Variants in ABCA9 observed in about 807,000 individuals in gnomAD.
ABCA9 encodes ATP binding cassette subfamily A member 9.
Under a neutral mutation model 205.3 loss-of-function variants are expected in ABCA9, and 183 were observed. That is an observed-to-expected ratio of 0.89 (90% CI 0.79 to 1.01). The LOEUF (loss-of-function observed/expected upper bound fraction) is 1.01. Among genes scored for constraint, ABCA9 ranks in the 50% least tolerant of loss-of-function variants. The probability of loss-of-function intolerance (pLI) is 0.00; values close to 1 mark genes in which losing one functional copy is unlikely to be tolerated. For missense variants in ABCA9, 1,805 were observed against 1,912.4 expected (o/e 0.94, Z 1.05); for synonymous variants, 651 against 683.3 (o/e 0.95, Z 0.74).
chr17:69,020,167 C>T (rs1057255488), intron 19 of ABCA9, among the ~76,000 whole-genome samples: 2 of 152,024 alleles, frequency 1.3e-5, no homozygotes, highest in African/African-American at 4.8e-5. Context: ...AAAACAAAAT[C>T]TGTGTGAAAT....
chr17:68,992,759 G>T, intron 27 of ABCA9: 1 of 320,034 alleles, frequency 3.1e-6, no homozygotes. Context: ...GTTGTGGTGA[G>T]CTGAGATAGC....
intron 3 of ABCA9, among the ~76,000 whole-genome samples, chr17:69,046,152 G>T (rs1213862135): frequency 6.6e-6 from 1 of 152,186 alleles, no homozygotes; most frequent in East Asian, 1.9e-4. Flanking sequence ...ATTTGGAAGT[G>T]ATGTCAATGT....
chr17:69,066,968 T>C, the ABCA9 span, among the ~76,000 whole-genome samples: 1 of 152,142 alleles, frequency 6.6e-6, no homozygotes, highest in African/African-American at 2.4e-5. Flanking sequence ...ATTAAAATCA[T>C]TGATGGATCA....
intron 20 of ABCA9, 54 bp from the exon 21 acceptor site, chr17:69,017,843 G>T (rs1435174515): frequency 1.9e-6 from 3 of 1,570,436 alleles, no homozygotes; most frequent in Non-Finnish European, 2.6e-6. Context: ...CAATAGTCAA[G>T]TAATATTAAA....
chr17:68,989,173 G>T, intron 30 of ABCA9, 55 bp from the exon 31 acceptor site: 1 of 1,124,286 alleles, frequency 8.9e-7, no homozygotes, highest in Non-Finnish European at 1.3e-6. Context: ...AAAAATAAAA[G>T]CAAATACCAT....
chr17:69,046,300 C>T (rs150479027), intron 3 of ABCA9, among the ~76,000 whole-genome samples: 1 of 152,278 alleles, frequency 6.6e-6, no homozygotes, highest in East Asian at 1.9e-4. Context: ...CATATAAGCG[C>T]ACCCTCCTGG....
the ABCA9 span, among the ~76,000 whole-genome samples, chr17:69,066,211 A>G: frequency 1.3e-5 from 2 of 152,158 alleles, no homozygotes; most frequent in African/African-American, 4.8e-5. Context: ...TTTTAGGCTA[A>G]ATATACTCAT....
chr17:69,028,657 T>A lies in ABCA9; in HGVS notation c.1505-12A>T, dbSNP rs2071069606. On this transcript the variant is annotated splice_polypyrimidine_tract_variant and intron_variant, in intron 11 of 38. Coordinates refer to ENST00000340001, the MANE Select transcript of ABCA9 (RefSeq NM_080283.4). ...GTCAAACACCACACCTGGCATGATT[T>A]TAAAAAAAATTACACTCAGAGCCTA... is the stretch of plus-strand genomic sequence containing the variant. 4.8e-6 allele frequency: 7 copies of A among 1,472,538 alleles called. No individual in the cohort carries two copies. Among genetic ancestry groups the A allele is most frequent in the South Asian group, 2.6e-5 (2 of 75,572 alleles). The allele number at this position is 1,472,538 out of a possible 1,614,324, so 91.2% of individuals were successfully genotyped here. A position where few individuals can be genotyped will look rare whatever the true frequency, so the allele number is the denominator to read the frequency against.
At chr17:69,018,319 CAG>C in intron 20 of ABCA9, 92 bp downstream of exon 20, 3 of 1,154,256 alleles carry the variant, frequency 2.6e-6, no homozygotes, top group Non-Finnish European at 3.6e-6. Flanking sequence ...CTAAAACATA[CAG>C]AGTTTATTTT....
At chr17:69,020,726 T>C (rs2070782887) in intron 18 of ABCA9, 140 bp from the exon 19 acceptor site, 1 of 628,146 alleles carries the variant, frequency 1.6e-6, no homozygotes, top group Non-Finnish European at 2.7e-6. Flanking sequence ...ATGACATTAT[T>C]AGAGCAACTA....
chr17:69,008,486 T>A (rs1272382624), intron 23 of ABCA9, among the ~76,000 whole-genome samples: 2 of 152,246 alleles, frequency 1.3e-5, no homozygotes, highest in Non-Finnish European at 2.9e-5. Context: ...CACAGAATGA[T>A]TGGGCATGGC....
chr17:69,046,516 T>C (rs2071707970), intron 3 of ABCA9, among the ~76,000 whole-genome samples: 1 of 152,310 alleles, frequency 6.6e-6, no homozygotes, highest in Middle Eastern at 3.4e-3. Flanking sequence ...ATTAATTCAA[T>C]GGGAGTTTCA....
At chr17:69,067,606 AAAGAAAGAAAGAAAG>A in the ABCA9 span, among the ~76,000 whole-genome samples, 14 of 44,144 alleles carry the variant, frequency 3.2e-4, no homozygotes, top group Non-Finnish European at 3.4e-4. Context: ...AAGAAAAAAG[AAAGAAAGAAAGAAAG>A]AAGAAAGAAA....
Position 68,991,020 on chromosome 17 carries a change from G to T in ABCA9, c.3717-63C>A, listed in dbSNP as rs2069433430. 3 of 1,560,396 alleles carry T rather than the reference G, an allele frequency of 1.9e-6. No homozygotes were observed. The East Asian group carries it at 6.8e-5, about 35-fold the overall frequency. The stretch of plus-strand genomic sequence containing the variant: ...TTAAAAATCTTGTATCAAAATTAAT[G>T]AATTTTCTCTATACTTCCAATTTTT... On this transcript the variant is annotated intron_variant, in intron 28 of 38. Coordinates refer to ENST00000340001, the MANE Select transcript of ABCA9 (RefSeq NM_080283.4).
At chr17:69,022,895 T>A (rs2144307411) in intron 17 of ABCA9, among the ~76,000 whole-genome samples, 1 of 152,332 alleles carries the variant, frequency 6.6e-6, no homozygotes, top group East Asian at 1.9e-4. Context: ...AAATTTCTAA[T>A]GAGTCCTTAA....
the ABCA9 span, among the ~76,000 whole-genome samples, chr17:69,069,669 G>A: frequency 2.8e-4 from 43 of 151,418 alleles, no homozygotes; most frequent in East Asian, 1.5e-3. Flanking sequence ...CTACGACAGC[G>A]TTGAAATAGT....
chr17:69,061,138 T>C (rs1402541646), upstream of ABCA9: 14 of 985,260 alleles, frequency 1.4e-5, no homozygotes, highest in Non-Finnish European at 1.6e-5. Context: ...AGTTTGTAGT[T>C]GCAGATGGTT....
At chr17:68,980,811 G>A (rs1457274037) in intron 37 of ABCA9, among the ~76,000 whole-genome samples, 2 of 151,480 alleles carry the variant, frequency 1.3e-5, no homozygotes, top group Non-Finnish European at 2.9e-5. Context: ...TATACCTAAT[G>A]TTAAATGACG....
chr17:69,003,093 A>G (rs892752767), intron 25 of ABCA9, among the ~76,000 whole-genome samples: 16 of 151,168 alleles, frequency 1.1e-4, no homozygotes, highest in African/African-American at 3.4e-4. Context: ...TGTGTCTTTT[A>G]ATTGGAGCAT....
Sources: gnomAD v4.1 joint callset for allele counts (sites outside exome capture counted in the v4.1 genomes callset) on GRCh38, gnomAD v4.1.1 for gene constraint, MANE v1.5 for transcripts, NCBI Gene and HGNC (gene_info 2026-07-23, HGNC 2026-07-21) for gene names.